Variants in BCAR3 observed in about 807,000 individuals in gnomAD.
BCAR3 encodes breast cancer anti-estrogen resistance protein 3.
In BCAR3, 37 loss-of-function variants were observed where a neutral mutation model predicts 80.1. The ratio of observed to expected loss-of-function variants is 0.46; its 90% confidence interval spans 0.36 to 0.61. The LOEUF (loss-of-function observed/expected upper bound fraction) is 0.61. Among genes scored for constraint, BCAR3 ranks in the 20% least tolerant of loss-of-function variants. The pLI is 0.00. For missense variants in BCAR3, 978 were observed against 1,068.2 expected, an observed-to-expected ratio of 0.92 and a Z score of 1.18; for synonymous variants, 389 against 418.9, an observed-to-expected ratio of 0.93 and a Z score of 0.87.
intron 3 of BCAR3, among the ~76,000 whole-genome samples, chr1:93,595,108 G>C (rs1674369204): frequency 6.6e-6 from 1 of 152,176 alleles, no homozygotes; most frequent in Non-Finnish European, 1.5e-5. Context: ...TCCAGAGAGT[G>C]AATCCTACAG....
At chr1:93,738,320 T>C (rs1249398395) in intron 2 of BCAR3, among the ~76,000 whole-genome samples, 1 of 152,248 alleles carries the variant, frequency 6.6e-6, no homozygotes, top group Non-Finnish European at 1.5e-5. Flanking sequence ...AATACTTTCA[T>C]GCTCATTTCC....
At chr1:93,755,017 C>G (rs1651696153) in intron 2 of BCAR3, among the ~76,000 whole-genome samples, 1 of 151,942 alleles carries the variant, frequency 6.6e-6, no homozygotes, top group Non-Finnish European at 1.5e-5. Context: ...CCTGACCCTG[C>G]CTAGGCTGAG....
chr1:93,701,962 G>C (rs1211773373), intron 3 of BCAR3, among the ~76,000 whole-genome samples: 1 of 152,212 alleles, frequency 6.6e-6, no homozygotes, highest in African/African-American at 2.4e-5. Context: ...CTGAGTGAGT[G>C]TAGTGGAAGA....
intron 3 of BCAR3, among the ~76,000 whole-genome samples, chr1:93,702,267 T>C (rs1649670179): frequency 6.6e-6 from 1 of 151,872 alleles, no homozygotes; most frequent in Non-Finnish European, 1.5e-5. Flanking sequence ...GGGAAGAAAA[T>C]GTGTGCCTAG....
chr1:93,744,215 G>A (rs1651277577), intron 2 of BCAR3, among the ~76,000 whole-genome samples: 1 of 152,228 alleles, frequency 6.6e-6, no homozygotes, highest in Admixed American at 6.5e-5. Context: ...AGTCACATTA[G>A]AATTTAATGG....
intron 2 of BCAR3, among the ~76,000 whole-genome samples, chr1:93,818,471 C>T (rs1654092922): frequency 1.3e-5 from 2 of 152,174 alleles, no homozygotes; most frequent in African/African-American, 2.4e-5. Flanking sequence ...TGCCTACTGT[C>T]GTGGTTGTGG....
intron 3 of BCAR3, among the ~76,000 whole-genome samples, chr1:93,629,722 T>G (rs1248909235): frequency 6.6e-6 from 1 of 152,230 alleles, no homozygotes; most frequent in Non-Finnish European, 1.5e-5. Context: ...GTTTTGGTGT[T>G]GAAGTTACTG....
At chr1:93,748,785 T>C (rs1367041132) in intron 2 of BCAR3, among the ~76,000 whole-genome samples, 2 of 152,248 alleles carry the variant, frequency 1.3e-5, no homozygotes, top group East Asian at 1.9e-4. Flanking sequence ...TTGCTTGACA[T>C]AATGTTGTAT....
chr1:93,661,675 G>A (rs573209686), intron 2 of BCAR3, among the ~76,000 whole-genome samples: 1 of 151,970 alleles, frequency 6.6e-6, no homozygotes, highest in South Asian at 2.1e-4. Flanking sequence ...ATTTAATAGA[G>A]ACGGGGTTTC....
chr1:93,563,518 C>T (rs1367906132), intron 11 of BCAR3, among the ~76,000 whole-genome samples: 1 of 152,082 alleles, frequency 6.6e-6, no homozygotes, highest in Non-Finnish European at 1.5e-5. Flanking sequence ...CTTGTGTGGA[C>T]ATGTGTTTTC....
At chr1:93,587,296 G>C (rs1226635020) in intron 5 of BCAR3, among the ~76,000 whole-genome samples, 1 of 152,148 alleles carries the variant, frequency 6.6e-6, no homozygotes, top group Non-Finnish European at 1.5e-5. Context: ...AAAGTGCTGG[G>C]ATTACAGCTG....
intron 2 of BCAR3, among the ~76,000 whole-genome samples, chr1:93,740,650 A>C (rs549353755): frequency 6.6e-6 from 1 of 152,110 alleles, no homozygotes; most frequent in African/African-American, 2.4e-5. Flanking sequence ...TCCCGCCCCA[A>C]AAACCCTGAT....
chr1:93,722,023 A>G (rs1195442063), intron 2 of BCAR3, among the ~76,000 whole-genome samples: 2 of 152,222 alleles, frequency 1.3e-5, no homozygotes, highest in Non-Finnish European at 2.9e-5. Context: ...AGACCTCCAC[A>G]CTGTCTCAGG....
intron 2 of BCAR3, among the ~76,000 whole-genome samples, chr1:93,714,224 G>A (rs1320054527): frequency 2.0e-5 from 3 of 152,092 alleles, no homozygotes; most frequent in Admixed American, 6.5e-5. Flanking sequence ...CTCGTGATCC[G>A]CCCACCTCGG....
chr1:93,820,701 T>C (rs947571138), intron 2 of BCAR3, among the ~76,000 whole-genome samples: 2 of 152,138 alleles, frequency 1.3e-5, no homozygotes, highest in African/African-American at 4.8e-5. Flanking sequence ...TTGTGGAGGT[T>C]CCGTTACATA....
rs924872519 is a variant in BCAR3 at position 93,721,713 on chromosome 1, C to T, written c.-62-15571G>A. Reference sequence around the variant, plus strand: ...TAGGAACTGATGCCTCTCACCGATTCCAATGGGAGCTGTTCTTTCTGAGCC... The same window carrying T: ...TAGGAACTGATGCCTCTCACCGATTTCAATGGGAGCTGTTCTTTCTGAGCC... On this transcript the variant is annotated intron_variant, in intron 2 of 13. Transcript: ENST00000370244. Among the ~76,000 whole-genome samples the T allele has an allele frequency of 2.0e-5, 3 of 152,226 alleles. No homozygotes were observed. In the South Asian group the frequency reaches 6.2e-4, roughly 31 times the overall value.
chr1:93,772,899 C>T (rs950111602), intron 2 of BCAR3, among the ~76,000 whole-genome samples: 2 of 152,178 alleles, frequency 1.3e-5, no homozygotes, highest in Admixed American at 6.5e-5. Context: ...CCACCACACC[C>T]GGCCATCAAC....
intron 2 of BCAR3, among the ~76,000 whole-genome samples, chr1:93,803,192 A>C (rs1653548138): frequency 6.6e-6 from 1 of 152,098 alleles, no homozygotes; most frequent in Non-Finnish European, 1.5e-5. Flanking sequence ...AGATTTTGTC[A>C]CCTAAGAATA....
At chr1:93,642,130 C>T (rs1015098489) in intron 3 of BCAR3, among the ~76,000 whole-genome samples, 174 bp downstream of exon 3, 7 of 152,182 alleles carry the variant, frequency 4.6e-5, no homozygotes, top group African/African-American at 1.7e-4. Flanking sequence ...TGACGTGAGA[C>T]CCCTACAAAA....
Sources: gnomAD v4.1 joint callset for allele counts (sites outside exome capture counted in the v4.1 genomes callset) on GRCh38, gnomAD v4.1.1 for gene constraint, MANE v1.5 for transcripts, NCBI Gene and HGNC (gene_info 2026-07-23, HGNC 2026-07-21) for gene names.